BNC2: variants seen among roughly 807,000 people sequenced by gnomAD.
The protein encoded by BNC2 is zinc finger protein basonuclin-2.
Under a neutral mutation model 76.3 loss-of-function variants are expected in BNC2, and 20 were observed. The observed-to-expected ratio is 0.26, with a 90% CI of 0.18 to 0.38. The LOEUF (loss-of-function observed/expected upper bound fraction) is 0.38. Ranked by LOEUF, BNC2 falls within the 10% of genes least tolerant of loss-of-function variation. BNC2 has a pLI of 1.00. For missense variants in BNC2, 1,382 were observed against 1,399.8 expected (o/e 0.99, Z 0.20); for synonymous variants, 582 against 514.8 (o/e 1.13, Z -1.77).
chr9:16,509,022 G>A (rs1822695263), intron 5 of BNC2, among the ~76,000 whole-genome samples: 1 of 151,886 alleles, frequency 6.6e-6, no homozygotes, highest in Non-Finnish European at 1.5e-5. Context: ...TAAAGACAGA[G>A]TCTTACTATG....
rs1820490423 is a variant in BNC2 at position 16,412,719 on chromosome 9, GGGAGAGAGA to G, written c.*6261_*6269del. The G allele has an allele frequency of 3.1e-5, 3 of 96,760 alleles. No individual in the cohort carries two copies. The highest frequency in any genetic ancestry group is 1.2e-4 in the African/African-American group (3 of 24,882). The allele number at this position is 96,760 out of a possible 1,614,324, so 6.0% of individuals were successfully genotyped here. A position where few individuals can be genotyped will look rare whatever the true frequency, so the allele number is the denominator to read the frequency against. On this transcript the variant is annotated 3_prime_UTR_variant, in exon 7 of 7. Coordinates refer to ENST00000380672, the MANE Select transcript of BNC2 (RefSeq NM_017637.6). ...GAATAAGAGGGAAGGAGAGAGAGAG[GGGAGAGAGA>G]GAGAGAGAGAGAGAGAGAGAGAGAG...
chr9:16,738,006 T>C (rs1395534867), intron 2 of BNC2, among the ~76,000 whole-genome samples: 2 of 152,064 alleles, frequency 1.3e-5, no homozygotes, highest in African/African-American at 4.8e-5. Flanking sequence ...ACTATTAATA[T>C]AGTATTATTA....
chr9:16,692,098 A>C (rs1218521845), intron 3 of BNC2, among the ~76,000 whole-genome samples: 1 of 152,208 alleles, frequency 6.6e-6, no homozygotes, highest in Non-Finnish European at 1.5e-5. Flanking sequence ...GGCGTGAGCC[A>C]CTGCACCCGG....
chr9:16,744,189 T>C (rs1824935017), intron 1 of BNC2, among the ~76,000 whole-genome samples: 1 of 152,108 alleles, frequency 6.6e-6, no homozygotes, highest in South Asian at 2.1e-4. Context: ...CAGGATGGTC[T>C]CAATCTCCTG....
intron 1 of BNC2, among the ~76,000 whole-genome samples, chr9:16,753,550 T>C (rs1424323211): frequency 2.0e-5 from 3 of 152,362 alleles, no homozygotes; most frequent in African/African-American, 4.8e-5. Flanking sequence ...GTGTTCACTA[T>C]TGCATCAAAA....
At chr9:16,522,399 C>A (rs186536318) in intron 5 of BNC2, among the ~76,000 whole-genome samples, 76 of 152,306 alleles carry the variant, frequency 5.0e-4, no homozygotes, top group Admixed American at 1.1e-3. Flanking sequence ...AGAAGAAATA[C>A]CGGCATCTGG....
intron 1 of BNC2, among the ~76,000 whole-genome samples, chr9:16,853,035 G>C (rs1298542700): frequency 6.6e-6 from 1 of 152,212 alleles, no homozygotes; most frequent in Non-Finnish European, 1.5e-5. Flanking sequence ...AAGGTTGTGA[G>C]ATAAGAAGTG....
intron 5 of BNC2, among the ~76,000 whole-genome samples, chr9:16,446,065 A>T (rs1234655542): frequency 1.3e-5 from 2 of 152,164 alleles, no homozygotes; most frequent in Non-Finnish European, 2.9e-5. Context: ...CATTAACATT[A>T]AATCTTCTTT....
At chr9:16,489,204 A>G (rs758577807) in intron 5 of BNC2, among the ~76,000 whole-genome samples, 2 of 152,212 alleles carry the variant, frequency 1.3e-5, no homozygotes, top group Non-Finnish European at 2.9e-5. Context: ...CAGTATTTTA[A>G]ATTTGGTTTT....
At chr9:16,728,337 G>A (rs1824410948) in intron 2 of BNC2, 6 of 400,546 alleles carry the variant, frequency 1.5e-5, no homozygotes, top group South Asian at 1.3e-4. Flanking sequence ...GGCACCAAAT[G>A]ACACCCTGCA....
In BNC2 at chr9:16,848,619, C is replaced by T. The variant is rs75840204; in HGVS notation, c.3+22027G>A. On this transcript the variant is annotated intron_variant, in intron 1 of 6. Coordinates refer to ENST00000380672, the MANE Select transcript of BNC2 (RefSeq NM_017637.6). ...GAAAACAAGGCCTGCTAAGGACCCT[C>T]TCTACCTTCATAAAACAATGTAGGA... Among the ~76,000 whole-genome samples, 352 of 152,288 alleles carry T rather than the reference C, an allele frequency of 2.3e-3. 2 individuals are homozygous for T. The highest frequency in any genetic ancestry group is 4.4e-3 in the Non-Finnish European group (302 of 68,032).
chr9:16,705,645 G>A (rs1823646309), intron 3 of BNC2, among the ~76,000 whole-genome samples: 1 of 132,468 alleles, frequency 7.5e-6, no homozygotes, highest in Admixed American at 8.0e-5. Context: ...TTGTATGATA[G>A]TGTGGCTTGG....
At chr9:16,657,669 G>C (rs1423730495) in intron 3 of BNC2, among the ~76,000 whole-genome samples, 1 of 152,096 alleles carries the variant, frequency 6.6e-6, no homozygotes, top group Non-Finnish European at 1.5e-5. Flanking sequence ...TAATAGGAAA[G>C]AATTAGAAAT....
intron 6 of BNC2, among the ~76,000 whole-genome samples, chr9:16,421,080 T>C (rs533238577): frequency 6.6e-6 from 1 of 152,304 alleles, no homozygotes; most frequent in South Asian, 2.1e-4. Flanking sequence ...AATGTGTCAT[T>C]CCATTTGGTG....
intron 3 of BNC2, among the ~76,000 whole-genome samples, chr9:16,688,372 A>G (rs902695579): frequency 1.3e-5 from 2 of 152,226 alleles, no homozygotes; most frequent in African/African-American, 4.8e-5. Flanking sequence ...CAATCAAAAA[A>G]TGATTGAAGA....
At chr9:16,641,353 T>C (rs1339454980) in intron 3 of BNC2, among the ~76,000 whole-genome samples, 2 of 152,124 alleles carry the variant, frequency 1.3e-5, no homozygotes, top group Admixed American at 1.3e-4. Flanking sequence ...GAGTGGGACA[T>C]TTCTTCTCTC....
intron 6 of BNC2, among the ~76,000 whole-genome samples, chr9:16,424,505 C>T (rs1029437656): frequency 3.9e-4 from 60 of 152,166 alleles, no homozygotes; most frequent in Non-Finnish European, 1.3e-4. Flanking sequence ...CAGCTCAACT[C>T]TGCCGTTCAA....
intron 3 of BNC2, among the ~76,000 whole-genome samples, chr9:16,681,180 G>C (rs1258485465): frequency 6.6e-6 from 1 of 152,172 alleles, no homozygotes; most frequent in Non-Finnish European, 1.5e-5. Flanking sequence ...AGCACTCCCA[G>C]AGTTACGTCA....
intron 3 of BNC2, among the ~76,000 whole-genome samples, chr9:16,619,817 G>C (rs964713718): frequency 1.7e-4 from 26 of 152,142 alleles, no homozygotes; most frequent in African/African-American, 5.8e-4. Context: ...TGAAAAATGT[G>C]ACAAAATGCA....
Sources: allele counts gnomAD v4.1 joint callset (sites outside exome capture counted in the v4.1 genomes callset), GRCh38; gene constraint gnomAD v4.1.1; transcripts MANE v1.5; gene names NCBI Gene and HGNC (gene_info 2026-07-23, HGNC 2026-07-21).